The following PTPRD variants were observed in gnomAD, a reference collection of about 807,000 sequenced individuals.
PTPRD encodes the protein protein tyrosine phosphatase receptor type D, also known as receptor-type tyrosine-protein phosphatase delta.
PTPRD carries 34 observed loss-of-function variants against 214.5 expected under a neutral mutation model. The ratio of observed to expected loss-of-function variants is 0.16; its 90% CI spans 0.12 to 0.21. The LOEUF (loss-of-function observed/expected upper bound fraction) is 0.21, where lower values mean the gene tolerates loss of function less well. Among genes scored for constraint, PTPRD ranks in the 10% least tolerant of loss-of-function variants. PTPRD has a pLI of 1.00. For synonymous variants in PTPRD, 1,128 were observed against 845.7 expected (o/e 1.33, Z -5.79); for missense variants, 2,545 against 2,398.7 (o/e 1.06, Z -1.27).
chr9:9,788,322 T>C (rs562888445), intron 5 of PTPRD, among the ~76,000 whole-genome samples: 4 of 150,758 alleles, frequency 2.7e-5, no homozygotes, highest in South Asian at 4.2e-4. Context: ...GAGGCCGAGG[T>C]GGGTGGATCA....
intron 10 of PTPRD, among the ~76,000 whole-genome samples, chr9:9,120,474 G>A (rs903050768): frequency 1.3e-5 from 2 of 152,132 alleles, no homozygotes; most frequent in African/African-American, 4.8e-5. Context: ...CGTGACATAT[G>A]GAGCTATGGA....
chr9:9,153,509 A>C (rs2099878616), intron 10 of PTPRD, among the ~76,000 whole-genome samples: 1 of 152,172 alleles, frequency 6.6e-6, no homozygotes, highest in African/African-American at 2.4e-5. Context: ...AAAATGTGAG[A>C]GGTCAATTTC....
At position 10,172,390 on chromosome 9, in the gene PTPRD, T is replaced by C. The variant is rs2099214732; in HGVS notation, c.-544-138600A>G. 2.0e-5 allele frequency among the ~76,000 whole-genome samples: 3 copies of C among 152,174 alleles called. No individual in the cohort carries two copies. The South Asian group carries it at 6.2e-4, about 31-fold the overall frequency. ...ATCTTATTAAAGACAGTTAACAAAATATTACAATTATATTATTAATAATAC... is the reference window on the plus strand; with the variant it reads ...ATCTTATTAAAGACAGTTAACAAAACATTACAATTATATTATTAATAATAC... On this transcript the variant is annotated intron_variant, in intron 3 of 45. Coordinates refer to ENST00000381196, the MANE Select transcript of PTPRD (RefSeq NM_002839.4).
chr9:10,437,321 A>G (rs985803685), intron 2 of PTPRD, among the ~76,000 whole-genome samples: 6 of 151,868 alleles, frequency 4.0e-5, no homozygotes, highest in Admixed American at 1.3e-4. Context: ...TTGCACAAAT[A>G]CATATATTCA....
chr9:10,402,207 T>A lies in PTPRD; in HGVS notation c.-599-61190A>T, dbSNP rs78350660. Among the ~76,000 whole-genome samples the A allele has an allele frequency of 2.4e-3, 371 of 151,808 alleles. 2 individuals are homozygous for A. The highest frequency in any genetic ancestry group is 0.017 in the Admixed American group (265 of 15,186). On this transcript the variant is annotated intron_variant, in intron 2 of 45. Transcript: ENST00000381196. ...AAATATTATTTAGATATCTTCAGAT[T>A]GTCTTATGAACATGCCCATGCAATA...
intron 3 of PTPRD, among the ~76,000 whole-genome samples, chr9:10,218,631 A>T (rs1210021601): frequency 1.3e-5 from 2 of 151,970 alleles, no homozygotes; most frequent in East Asian, 1.9e-4. Flanking sequence ...ATAAGAAAAG[A>T]TACCATAATA....
intron 29 of PTPRD, 69 bp downstream of exon 29, chr9:8,485,158 T>C (rs1362514005): frequency 4.4e-6 from 6 of 1,354,094 alleles, no homozygotes; most frequent in Non-Finnish European, 4.2e-6. Context: ...GCTGTGCAAA[T>C]AACTTACCCA....
intron 7 of PTPRD, among the ~76,000 whole-genome samples, chr9:9,659,093 T>C (rs533578993): frequency 2.6e-4 from 39 of 152,256 alleles, no homozygotes; most frequent in African/African-American, 9.4e-4. Flanking sequence ...ACAGGATACA[T>C]AAAAACAGTT....
At chr9:8,366,175 C>T (rs1318870541) in intron 39 of PTPRD, among the ~76,000 whole-genome samples, 1 of 152,136 alleles carries the variant, frequency 6.6e-6, no homozygotes, top group Non-Finnish European at 1.5e-5. Context: ...TCTCATCATC[C>T]TCTCCCTTTC....
chr9:9,196,346 T>C (rs1276657332), intron 9 of PTPRD, among the ~76,000 whole-genome samples: 1 of 152,212 alleles, frequency 6.6e-6, no homozygotes, highest in African/African-American at 2.4e-5. Context: ...TAAACACCAT[T>C]CTAAGTAAAT....
Position 9,219,753 on chromosome 9 carries a change from G to A in PTPRD, c.-202-36390C>T, listed in dbSNP as rs189827871. Among the ~76,000 whole-genome samples the A allele has an allele frequency of 2.3e-4, 35 of 152,134 alleles. 1 individual carries two copies. Among genetic ancestry groups the A allele is most frequent in the Admixed American group, 1.6e-3 (24 of 15,268 alleles). On this transcript the variant is annotated intron_variant, in intron 9 of 45. Coordinates refer to ENST00000381196, the MANE Select transcript of PTPRD (RefSeq NM_002839.4). The stretch of plus-strand genomic sequence containing the variant: ...TTCTGTGGAGTGAAGGCAGAAGGTG[G>A]ATCAGAATTCTAACCTCCACCCTGA...
intron 2 of PTPRD, among the ~76,000 whole-genome samples, chr9:10,500,979 G>A (rs2043507486): frequency 6.6e-6 from 1 of 151,958 alleles, no homozygotes; most frequent in Admixed American, 6.6e-5. Flanking sequence ...TGGCTATTGT[G>A]AACAGTGCTG....
At chr9:10,148,886 G>T (rs1193802641) in intron 3 of PTPRD, among the ~76,000 whole-genome samples, 1 of 152,130 alleles carries the variant, frequency 6.6e-6, no homozygotes, top group Non-Finnish European at 1.5e-5. Context: ...ATTGGATATA[G>T]ACATTTGAAA....
At chr9:10,306,444 T>G (rs2096071965) in intron 3 of PTPRD, among the ~76,000 whole-genome samples, 1 of 151,904 alleles carries the variant, frequency 6.6e-6, no homozygotes, top group Admixed American at 6.6e-5. Context: ...ATAATAAAAT[T>G]CTAATGGGAA....
chr9:8,419,599 A>G (rs891214919), intron 35 of PTPRD, among the ~76,000 whole-genome samples: 1 of 152,110 alleles, frequency 6.6e-6, no homozygotes, highest in African/African-American at 2.4e-5. Context: ...ATGATTTACA[A>G]TAAGGGAAGA....
chr9:9,966,253 A>G (rs1197463492), intron 4 of PTPRD, among the ~76,000 whole-genome samples: 2 of 152,170 alleles, frequency 1.3e-5, no homozygotes, highest in Admixed American at 1.3e-4. Context: ...TAATTTATCA[A>G]TAAAATATAT....
intron 11 of PTPRD, among the ~76,000 whole-genome samples, chr9:8,787,368 G>A (rs1411543896): frequency 1.3e-5 from 2 of 152,046 alleles, no homozygotes; most frequent in Non-Finnish European, 2.9e-5. Context: ...TTAAAAATGG[G>A]TACTAACCCC....
chr9:9,237,029 T>G (rs2099967252), intron 9 of PTPRD, among the ~76,000 whole-genome samples: 1 of 152,194 alleles, frequency 6.6e-6, no homozygotes, highest in African/African-American at 2.4e-5. Flanking sequence ...GGTTCTTATT[T>G]GTTTGACTTT....
intron 7 of PTPRD, among the ~76,000 whole-genome samples, chr9:9,607,333 A>G (rs375136636): frequency 3.3e-5 from 5 of 152,180 alleles, no homozygotes; most frequent in Admixed American, 6.6e-5. Flanking sequence ...GAGAAAAATC[A>G]TAACAGTTTA....
Sources: gnomAD v4.1 joint callset for allele counts (sites outside exome capture counted in the v4.1 genomes callset) on GRCh38, gnomAD v4.1.1 for gene constraint, MANE v1.5 for transcripts, NCBI Gene and HGNC (gene_info 2026-07-23, HGNC 2026-07-21) for gene names.